Variants in RASL12 observed in about 807,000 individuals in gnomAD.
The protein encoded by RASL12 is ras-like protein family member 12.
In RASL12, 16 loss-of-function variants were observed where a neutral mutation model predicts 22.9. That is an observed-to-expected ratio of 0.70 (90% confidence interval 0.47 to 1.06). The LOEUF (loss-of-function observed/expected upper bound fraction) is 1.06. Ranked by LOEUF, RASL12 falls within the 50% of genes least tolerant of loss-of-function variation. The pLI is 0.00. For missense variants in RASL12, 306 were observed against 353.1 expected (o/e 0.87, Z 1.07); for synonymous variants, 159 against 152.2 (o/e 1.04, Z -0.33).
chr15:65,053,288 T>G (rs1302514735), downstream of RASL12: 3 of 1,402,394 alleles, frequency 2.1e-6, no homozygotes, highest in African/African-American at 4.9e-5. Flanking sequence ...CTTTCTTTCT[T>G]TTTTTTTTTC....
At chr15:65,076,329 C>T (rs2086969015) in intron 1 of RASL12, among the ~76,000 whole-genome samples, 3 of 152,174 alleles carry the variant, frequency 2.0e-5, no homozygotes, top group East Asian at 1.9e-4. Flanking sequence ...CTGAGGCCAG[C>T]GAGACCACAA....
Position 65,054,629 on chromosome 15 carries a change from G to T in RASL12, c.*270C>A. ...CTGCAATTTCTTCCTACTTAAGGCT[G>T]ACCCCAGGTCTCTGGGTTGTCACAG... On this transcript the variant is annotated 3_prime_UTR_variant, in exon 5 of 5. Transcript: ENST00000220062. 7.5e-7 allele frequency: 1 copy of T among 1,326,864 alleles called. No individual in the cohort carries two copies. Among genetic ancestry groups the T allele is most frequent in the Non-Finnish European group, 9.6e-7 (1 of 1,036,272 alleles). 82.2% of individuals were successfully genotyped at this position (1,326,864 alleles called of 1,614,324 possible).
chr15:65,053,731 G>A lies in RASL12; in HGVS notation c.*1168C>T, dbSNP rs2086690101. 1 of 986,768 alleles carries A rather than the reference G, an allele frequency of 1.0e-6. No homozygotes were observed. The highest frequency in any genetic ancestry group is 1.7e-5 in the African/African-American group (1 of 57,218). 61.1% of individuals were successfully genotyped at this position (986,768 alleles called of 1,614,324 possible). A position where few individuals can be genotyped will look rare whatever the true frequency, so the allele number is the denominator to read the frequency against. ...GCTTGTCTGCTAAGAGTCTGTGCAA[G>A]ACTTCCCTGGGACCTGGCGTGTGGT... On this transcript the variant is annotated 3_prime_UTR_variant, in exon 5 of 5. Coordinates refer to ENST00000220062, the MANE Select transcript of RASL12 (RefSeq NM_016563.4).
downstream of RASL12, among the ~76,000 whole-genome samples, chr15:65,051,070 C>T (rs142907492): frequency 0.021 from 3,267 of 152,040 alleles, 110 homozygotes; most frequent in African/African-American, 0.073. Flanking sequence ...TCTTGAACTC[C>T]CGACCTCAGG....
At chr15:65,065,323 T>G (rs2086863580) in intron 1 of RASL12, 50 bp from the exon 2 acceptor site, 1 of 1,565,050 alleles carries the variant, frequency 6.4e-7, no homozygotes, top group South Asian at 1.2e-5. Flanking sequence ...CATGTCTAGC[T>G]GCTGGCCCCT....
upstream of RASL12, among the ~76,000 whole-genome samples, chr15:65,069,544 G>C (rs1268705420): frequency 6.6e-6 from 1 of 152,230 alleles, no homozygotes; most frequent in African/African-American, 2.4e-5. Flanking sequence ...CTACTTCTCA[G>C]CTTGTGTGAT....
chr15:65,076,433 G>A, intron 1 of RASL12: 1 of 560,012 alleles, frequency 1.8e-6, no homozygotes. Flanking sequence ...GAGCCAGCGA[G>A]ACCATGAACC....
intron 2 of RASL12, among the ~76,000 whole-genome samples, chr15:65,060,606 A>G (rs1286022615): frequency 6.6e-6 from 1 of 152,184 alleles, no homozygotes; most frequent in East Asian, 1.9e-4. Flanking sequence ...TGCACCCCCA[A>G]TCTGTGCCTG....
intron 1 of RASL12, chr15:65,076,513 G>C (rs991732679): frequency 2.9e-6 from 2 of 693,556 alleles, no homozygotes; most frequent in African/African-American, 3.5e-5. Context: ...GCTACCTTAA[G>C]AGCTGTAACA....
downstream of RASL12, among the ~76,000 whole-genome samples, chr15:65,052,140 G>A (rs1439932661): frequency 6.6e-6 from 1 of 152,174 alleles, no homozygotes; most frequent in Non-Finnish European, 1.5e-5. Flanking sequence ...TTGGGGGAGG[G>A]GAGTGATGTG....
At chr15:65,051,559 G>A, downstream of RASL12, 1 of 1,613,792 alleles carries the variant, frequency 6.2e-7, no homozygotes. Context: ...AGCTGTGGTG[G>A]TCATTATAAG....
At chr15:65,052,955 T>C (rs1485178176), downstream of RASL12, 2 of 1,514,768 alleles carry the variant, frequency 1.3e-6, no homozygotes, top group South Asian at 2.2e-5. Context: ...CACTGTTCCC[T>C]GTCCCCCCAG....
At chr15:65,064,986 C>G (rs560611389) in intron 2 of RASL12, among the ~76,000 whole-genome samples, 1 of 152,262 alleles carries the variant, frequency 6.6e-6, no homozygotes, top group East Asian at 1.9e-4. Flanking sequence ...GGTAAATCAG[C>G]CTCTCTTAGT....
At chr15:65,050,520 G>T (rs2086636303), downstream of RASL12, among the ~76,000 whole-genome samples, 1 of 152,234 alleles carries the variant, frequency 6.6e-6, no homozygotes, top group African/African-American at 2.4e-5. Flanking sequence ...TAGGAAGTAT[G>T]CAGCAAGGGC....
chr15:65,064,769 G>A (rs2086856105), intron 2 of RASL12, among the ~76,000 whole-genome samples: 1 of 151,900 alleles, frequency 6.6e-6, no homozygotes, highest in Non-Finnish European at 1.5e-5. Context: ...GCTAATTTTT[G>A]TATTTTTAGA....
downstream of RASL12, chr15:65,050,125 A>C: frequency 6.5e-7 from 1 of 1,542,228 alleles, no homozygotes; most frequent in African/African-American, 1.4e-5. Flanking sequence ...GATTGACGGC[A>C]GGGGTGGGGG....
chr15:65,058,283 C>T, intron 4 of RASL12, 144 bp downstream of exon 4: 2 of 645,000 alleles, frequency 3.1e-6, no homozygotes, highest in Non-Finnish European at 4.6e-6. Context: ...AACAAACACA[C>T]ACACAAACAA....
chr15:65,055,285 A>C lies in RASL12; in HGVS notation c.426-11T>G. The C allele has an allele frequency of 1.3e-6, 2 of 1,541,362 alleles. No homozygotes were observed. Among genetic ancestry groups the C allele is most frequent in the Non-Finnish European group, 1.7e-6 (2 of 1,143,958 alleles). On this transcript the variant is annotated splice_polypyrimidine_tract_variant and intron_variant, in intron 4 of 4. Coordinates refer to ENST00000220062, the MANE Select transcript of RASL12 (RefSeq NM_016563.4). The stretch of plus-strand genomic sequence containing the variant: ...GCCTTGGTGACTTGCCTGGTGAGGA[A>C]GCAGTGTGAGGCAGGGAGTTAGGAG...
intron 4 of RASL12, among the ~76,000 whole-genome samples, chr15:65,057,775 C>T (rs1292981857): frequency 6.6e-6 from 1 of 152,112 alleles, no homozygotes; most frequent in Non-Finnish European, 1.5e-5. Flanking sequence ...GGGCACTAGA[C>T]CAGTCAGCTG....
Sources: gnomAD v4.1 joint callset for allele counts (sites outside exome capture counted in the v4.1 genomes callset) on GRCh38, gnomAD v4.1.1 for gene constraint, MANE v1.5 for transcripts, NCBI Gene and HGNC (gene_info 2026-07-23, HGNC 2026-07-21) for gene names.